TANC2: variants seen among roughly 807,000 people sequenced by gnomAD.
TANC2 encodes the protein tetratricopeptide repeat, ankyrin repeat and coiled-coil containing 2.
A neutral mutation model predicts 210.5 loss-of-function variants in TANC2; 26 were observed. That is an observed-to-expected ratio of 0.12 (90% CI 0.09 to 0.17). The LOEUF (loss-of-function observed/expected upper bound fraction) is 0.17, where lower values mean the gene tolerates loss of function less well. Ranked by LOEUF, TANC2 falls within the 10% of genes least tolerant of loss-of-function variation. The pLI is 1.00. For synonymous variants in TANC2, 931 were observed against 967.1 expected (o/e 0.96, Z 0.69); for missense variants, 2,129 against 2,608.9 (o/e 0.82, Z 4.01).
intron 1 of TANC2, among the ~76,000 whole-genome samples, chr17:63,005,367 A>G (rs1245826475): frequency 4.6e-5 from 7 of 152,096 alleles, no homozygotes; most frequent in Non-Finnish European, 1.0e-4. Context: ...TTTTGAATTC[A>G]GGTGGTATAA....
At chr17:63,212,083 A>C (rs1203665123) in intron 7 of TANC2, among the ~76,000 whole-genome samples, 1 of 152,010 alleles carries the variant, frequency 6.6e-6, no homozygotes, top group African/African-American at 2.4e-5. Flanking sequence ...CCTGTGTCCA[A>C]GTGTTCTCAT....
At chr17:63,413,353 A>G (rs926405085) in intron 24 of TANC2, 190 bp from the exon 25 acceptor site, 5 of 517,610 alleles carry the variant, frequency 9.7e-6, no homozygotes, top group African/African-American at 7.8e-5. Context: ...TTTAAGGTGA[A>G]TACAAATCCA....
At chr17:63,099,134 T>G (rs1475663148) in intron 3 of TANC2, 41 bp from the exon 4 acceptor site, 1 of 1,583,620 alleles carries the variant, frequency 6.3e-7, no homozygotes, top group East Asian at 2.3e-5. Context: ...GAAGGCAGGA[T>G]CTTTTCTCAC....
rs188548146 is a variant in TANC2, at chr17:63,418,213, T to G, written c.4168-94T>G. The G allele has an allele frequency of 2.3e-6, 3 of 1,313,112 alleles. No homozygotes were observed. The Admixed American group carries it at 6.2e-5, about 27-fold the overall frequency. 81.3% of individuals were successfully genotyped at this position (1,313,112 alleles called of 1,614,324 possible). A position where few individuals can be genotyped will look rare whatever the true frequency, so the allele number is the denominator to read the frequency against. On this transcript the variant is annotated intron_variant, in intron 26 of 27. Transcript: ENST00000689528. This position sits in a 1 kb window ranked among gnomAD's most constrained non-coding sequence, Gnocchi z 4.6. ...GCGTCCCAGGCGTTCCATCCATGAA[T>G]GTCAAAAAATGTACAAATAATTTGT...
At chr17:63,010,622 C>T (rs1457732355) in intron 2 of TANC2, among the ~76,000 whole-genome samples, 1 of 152,144 alleles carries the variant, frequency 6.6e-6, no homozygotes, top group Non-Finnish European at 1.5e-5. Context: ...ACTTCAGACA[C>T]CAATTGCGTG....
At chr17:63,250,888 C>A (rs891694033) in intron 8 of TANC2, among the ~76,000 whole-genome samples, 10 of 152,016 alleles carry the variant, frequency 6.6e-5, no homozygotes, top group South Asian at 4.2e-4. Context: ...AAAGGGGGAT[C>A]ATGAATATCT....
intron 5 of TANC2, among the ~76,000 whole-genome samples, chr17:63,183,604 T>TC (rs765046053): frequency 3.3e-5 from 5 of 152,218 alleles, no homozygotes; most frequent in Non-Finnish European, 7.3e-5. Flanking sequence ...CAGTCCAGAC[T>TC]CCACCACTGT....
At chr17:63,270,268 C>T (rs985656133) in intron 9 of TANC2, among the ~76,000 whole-genome samples, 2 of 152,032 alleles carry the variant, frequency 1.3e-5, no homozygotes, top group Admixed American at 6.6e-5. Context: ...GCTTAGGATA[C>T]GACTTAAAAC....
chr17:63,115,559 G>C (rs1213405163), intron 4 of TANC2, among the ~76,000 whole-genome samples: 3 of 152,162 alleles, frequency 2.0e-5, no homozygotes, highest in Non-Finnish European at 4.4e-5. Context: ...AGCTACTTGT[G>C]AAAAGTATAT....
chr17:63,104,932 T>C (rs994603544), intron 4 of TANC2, among the ~76,000 whole-genome samples: 4 of 151,706 alleles, frequency 2.6e-5, no homozygotes, highest in African/African-American at 4.9e-5. Flanking sequence ...ATCTACCCCA[T>C]AGGAGTAATA....
chr17:63,355,467 A>G, intron 14 of TANC2, 77 bp downstream of exon 14: 3 of 1,410,524 alleles, frequency 2.1e-6, no homozygotes, highest in Non-Finnish European at 2.8e-6. Context: ...TTGAAAGTAG[A>G]AGTGTTCTTC....
At chr17:63,200,303 C>A (rs1598591710) in intron 6 of TANC2, among the ~76,000 whole-genome samples, 1 of 139,176 alleles carries the variant, frequency 7.2e-6, no homozygotes, top group African/African-American at 2.8e-5. Context: ...TACAGTGAGC[C>A]AAGATTGTGC....
chr17:62,983,599 A>T (rs2143460432), intron 1 of TANC2, among the ~76,000 whole-genome samples: 1 of 152,130 alleles, frequency 6.6e-6, no homozygotes, highest in East Asian at 1.9e-4. Context: ...GTTAGCTGTG[A>T]GTTTGTCATA....
At chr17:63,358,777 T>C (rs1270487913) in intron 14 of TANC2, among the ~76,000 whole-genome samples, 1 of 152,340 alleles carries the variant, frequency 6.6e-6, no homozygotes, top group Admixed American at 6.5e-5. Context: ...GTGACTCTCA[T>C]AGTAGAAATT....
At position 63,027,129 on chromosome 17, in the gene TANC2, AACT is replaced by A. The variant is rs1182996081; in HGVS notation, c.67+17507_67+17509del. Among the ~76,000 whole-genome samples, 5 of 152,296 alleles carry A rather than the reference AACT, an allele frequency of 3.3e-5. No individual in the cohort carries two copies. In the South Asian group the frequency reaches 1.0e-3, roughly 32 times the overall value. On this transcript the variant is annotated intron_variant, in intron 2 of 27. Transcript: ENST00000689528. ...GTACTGATTGAAGTTTCCCTGGTAA[AACT>A]ACTTTCATAAATGATCAATTCACAT...
intron 4 of TANC2, among the ~76,000 whole-genome samples, chr17:63,127,795 C>T (rs1202608077): frequency 6.6e-6 from 1 of 152,184 alleles, no homozygotes; most frequent in Non-Finnish European, 1.5e-5. Context: ...CTGCATATTA[C>T]CATGCCCTGC....
rs534706720 is a variant in TANC2 at position 63,180,419 on chromosome 17, C to A, written c.434-13572C>A. The stretch of plus-strand genomic sequence containing the variant: ...TTAGATAGGAAAAGGGACAATATTG[C>A]TGTTAAAAGGAGGGAAGGATGATAG... On this transcript the variant is annotated intron_variant, in intron 5 of 27. Transcript: ENST00000689528. Among the ~76,000 whole-genome samples, 200 of 152,124 alleles carry A rather than the reference C, an allele frequency of 1.3e-3. 2 individuals carry two copies. The highest frequency in any genetic ancestry group is 4.5e-3 in the African/African-American group (187 of 41,484).
At chr17:63,196,316 G>T (rs1246851446) in intron 6 of TANC2, among the ~76,000 whole-genome samples, 1 of 152,142 alleles carries the variant, frequency 6.6e-6, no homozygotes. Context: ...AAAATTGGGA[G>T]CAATAAAACA....
At position 63,225,817 on chromosome 17, in the gene TANC2, TC is replaced by T. The variant is rs1399885330; in HGVS notation, c.770-11995del. Among the ~76,000 whole-genome samples the T allele has an allele frequency of 9.2e-5, 14 of 152,364 alleles. 1 individual carries two copies. Among genetic ancestry groups the T allele is most frequent in the Non-Finnish European group, 5.9e-5 (4 of 68,024 alleles). ...TTTCTGTTTGCCTTCAATCAGGTAATCCTCTGACACAGGAGATCATGAATTT... is the reference window on the plus strand; with the variant it reads ...TTTCTGTTTGCCTTCAATCAGGTAATCTCTGACACAGGAGATCATGAATTT... On this transcript the variant is annotated intron_variant, in intron 7 of 27. Transcript: ENST00000689528.
Sources: gnomAD v4.1 joint callset for allele counts (sites outside exome capture counted in the v4.1 genomes callset) on GRCh38, gnomAD v4.1.1 for gene constraint, Gnocchi (gnomAD v3.1) non-coding constraint, MANE v1.5 for transcripts, NCBI Gene and HGNC (gene_info 2026-07-23, HGNC 2026-07-21) for gene names.